PAPSS1: variants seen among roughly 807,000 people sequenced by gnomAD.
PAPSS1 encodes the protein bifunctional 3'-phosphoadenosine 5'-phosphosulfate synthase 1.
Under a neutral mutation model 72.0 loss-of-function variants are expected in PAPSS1, and 50 were observed. That is an observed-to-expected ratio of 0.69 (90% CI 0.55 to 0.88). PAPSS1 has a LOEUF of 0.88. Among genes scored for constraint, PAPSS1 ranks in the 40% least tolerant of loss-of-function variants. PAPSS1 has a pLI of 0.00. For synonymous variants in PAPSS1, 261 were observed against 263.6 expected (o/e 0.99, Z 0.09); for missense variants, 657 against 782.2 (o/e 0.84, Z 1.91).
chr4:107,658,893 T>C (rs753979344), intron 6 of PAPSS1, among the ~76,000 whole-genome samples: 2 of 152,210 alleles, frequency 1.3e-5, no homozygotes, highest in African/African-American at 4.8e-5. Context: ...AGAATAGCAG[T>C]GTGCCTTCCA....
At chr4:107,675,945 C>A (rs1488664018) in intron 5 of PAPSS1, among the ~76,000 whole-genome samples, 1 of 152,202 alleles carries the variant, frequency 6.6e-6, no homozygotes, top group Admixed American at 6.5e-5. Flanking sequence ...ATATGATTCT[C>A]TCAAGAGATG....
chr4:107,624,953 C>G (rs973571710), intron 11 of PAPSS1, among the ~76,000 whole-genome samples: 2 of 152,086 alleles, frequency 1.3e-5, no homozygotes. Context: ...ACACAAGAAA[C>G]GTTTCAGTGG....
chr4:107,641,649 T>C (rs964123204), intron 10 of PAPSS1, among the ~76,000 whole-genome samples: 1 of 152,190 alleles, frequency 6.6e-6, no homozygotes, highest in African/African-American at 2.4e-5. Context: ...GAGTGACACA[T>C]GCATAGGCAC....
intron 2 of PAPSS1, 32 bp from the exon 3 acceptor site, chr4:107,694,038 T>C (rs781272065): frequency 6.9e-7 from 1 of 1,455,968 alleles, no homozygotes; most frequent in Non-Finnish European, 9.6e-7. Flanking sequence ...AGATTCCATG[T>C]GTAAAGTTAG....
intron 3 of PAPSS1, among the ~76,000 whole-genome samples, chr4:107,688,711 G>A (rs775166345): frequency 8.5e-5 from 13 of 152,058 alleles, no homozygotes; most frequent in Non-Finnish European, 1.9e-4. Context: ...GTTCTTGAGC[G>A]TTTCTCTCAA....
At chr4:107,717,829 T>C (rs894416831) in intron 1 of PAPSS1, among the ~76,000 whole-genome samples, 17 of 152,252 alleles carry the variant, frequency 1.1e-4, no homozygotes, top group Non-Finnish European at 2.2e-4. Context: ...ATTCCTCCCT[T>C]TTTCATCCCC....
intron 7 of PAPSS1, among the ~76,000 whole-genome samples, chr4:107,656,568 C>T (rs529627685): frequency 2.6e-5 from 4 of 152,164 alleles, no homozygotes; most frequent in Non-Finnish European, 2.9e-5. Flanking sequence ...AAACGCAGCA[C>T]GTACATGCCC....
At chr4:107,650,796 G>A (rs1726818818) in intron 9 of PAPSS1, among the ~76,000 whole-genome samples, 1 of 152,000 alleles carries the variant, frequency 6.6e-6, no homozygotes, top group Non-Finnish European at 1.5e-5. Context: ...GAATTTTCAT[G>A]AATACAAAAT....
chr4:107,700,341 T>C (rs548881243), intron 2 of PAPSS1, among the ~76,000 whole-genome samples: 7 of 152,258 alleles, frequency 4.6e-5, no homozygotes, highest in African/African-American at 1.4e-4. Context: ...AGTGAAAGCA[T>C]CCATCGTTTT....
chr4:107,663,295 G>A (rs79901300), intron 5 of PAPSS1, among the ~76,000 whole-genome samples: 4,572 of 152,082 alleles, frequency 0.03, 226 homozygotes, highest in African/African-American at 0.1. Context: ...AGAGGGCAAA[G>A]TCTTTTTATA....
chr4:107,713,773 G>A (rs200254496), intron 1 of PAPSS1, among the ~76,000 whole-genome samples: 1,976 of 146,400 alleles, frequency 0.013, 25 homozygotes, highest in Non-Finnish European at 0.02. Flanking sequence ...AAAAAAAAAA[G>A]AAAAAAAAAT....
At chr4:107,681,736 T>G (rs945875148) in intron 5 of PAPSS1, among the ~76,000 whole-genome samples, 2 of 152,178 alleles carry the variant, frequency 1.3e-5, no homozygotes, top group Non-Finnish European at 2.9e-5. Flanking sequence ...GATTTTCTGT[T>G]AGGTATTTTT....
At chr4:107,652,406 CCT>C (rs1328575142) in intron 9 of PAPSS1, among the ~76,000 whole-genome samples, 15 of 152,284 alleles carry the variant, frequency 9.9e-5, no homozygotes, top group African/African-American at 3.6e-4. Flanking sequence ...CATTTACCCA[CCT>C]CTGTGTCAAA....
At chr4:107,672,196 C>G (rs747353052) in intron 5 of PAPSS1, among the ~76,000 whole-genome samples, 3 of 152,172 alleles carry the variant, frequency 2.0e-5, no homozygotes, top group Non-Finnish European at 4.4e-5. Flanking sequence ...GCGCATCTCA[C>G]TGGGGAGTGT....
intron 11 of PAPSS1, among the ~76,000 whole-genome samples, chr4:107,624,664 T>C (rs1453761086): frequency 6.6e-6 from 1 of 152,154 alleles, no homozygotes; most frequent in Admixed American, 6.5e-5. Flanking sequence ...AAATGCATAC[T>C]AGAAGACAAT....
intron 11 of PAPSS1, among the ~76,000 whole-genome samples, chr4:107,619,169 A>C (rs554408356): frequency 6.6e-6 from 1 of 152,348 alleles, no homozygotes; most frequent in South Asian, 2.1e-4. Flanking sequence ...TTTGGAAAAA[A>C]GCCAGACCAA....
At chr4:107,638,379 C>T (rs1560568350) in intron 10 of PAPSS1, among the ~76,000 whole-genome samples, 1 of 152,112 alleles carries the variant, frequency 6.6e-6, no homozygotes, top group African/African-American at 2.4e-5. Context: ...CACAGAATTT[C>T]CCCAAAATTT....
chr4:107,658,333 C>A, intron 6 of PAPSS1, among the ~76,000 whole-genome samples: 1 of 137,334 alleles, frequency 7.3e-6, no homozygotes, highest in Non-Finnish European at 1.6e-5. Context: ...CCAGCCTGGG[C>A]AACACAGCGA....
chr4:107,696,680 C>T (rs1723072136), intron 2 of PAPSS1, among the ~76,000 whole-genome samples: 1 of 151,860 alleles, frequency 6.6e-6, no homozygotes, highest in South Asian at 2.1e-4. Context: ...AGCAAACCAC[C>T]GTGCCACAAG....
Sources: allele counts gnomAD v4.1 joint callset (sites outside exome capture counted in the v4.1 genomes callset), GRCh38; gene constraint gnomAD v4.1.1; transcripts MANE v1.5; gene names NCBI Gene and HGNC (gene_info 2026-07-23, HGNC 2026-07-21).